The following PIK3AP1 variants were observed in gnomAD, a reference collection of about 807,000 sequenced individuals.
The protein encoded by PIK3AP1 is phosphoinositide 3-kinase adapter protein 1.
PIK3AP1 carries 21 observed loss-of-function variants against 88.1 expected under a neutral mutation model. That is an observed-to-expected ratio of 0.24 (90% CI 0.17 to 0.34). PIK3AP1 has a LOEUF of 0.34. Among genes scored for constraint, PIK3AP1 ranks in the 10% least tolerant of loss-of-function variants. The pLI is 1.00. For missense variants in PIK3AP1, 828 were observed against 1,035.7 expected, an observed-to-expected ratio of 0.80 and a Z score of 2.75; for synonymous variants, 398 against 400.0, an observed-to-expected ratio of 1.00 and a Z score of 0.06.
chr10:96,712,668 TTTATC>T (rs1344239254), intron 1 of PIK3AP1, among the ~76,000 whole-genome samples: 1 of 152,244 alleles, frequency 6.6e-6, no homozygotes, highest in Admixed American at 6.5e-5. Flanking sequence ...ATGTGGCTGG[TTTATC>T]TTAAGAGGCA....
At chr10:96,618,523 A>T (rs1269200633) in intron 12 of PIK3AP1, 1 of 152,118 alleles carries the variant, frequency 6.6e-6, no homozygotes, top group Non-Finnish European at 1.5e-5. Flanking sequence ...ATACCTATTT[A>T]TATTTGTATT....
At chr10:96,703,416 T>C (rs1589547399) in intron 2 of PIK3AP1, among the ~76,000 whole-genome samples, 1 of 152,306 alleles carries the variant, frequency 6.6e-6, no homozygotes, top group Admixed American at 6.5e-5. Context: ...ATCTCCACTG[T>C]AATACTATTA....
intron 1 of PIK3AP1, among the ~76,000 whole-genome samples, chr10:96,716,329 C>T (rs764401537): frequency 1.3e-5 from 2 of 152,112 alleles, no homozygotes; most frequent in Non-Finnish European, 2.9e-5. Flanking sequence ...TGTCTCACTC[C>T]TGGGGTTCTA....
intron 2 of PIK3AP1, among the ~76,000 whole-genome samples, chr10:96,661,257 C>A (rs1347728240): frequency 6.6e-6 from 1 of 151,442 alleles, no homozygotes; most frequent in Non-Finnish European, 1.5e-5. Context: ...AAAGGCAGAA[C>A]TATGGATCAC....
intron 9 of PIK3AP1, 73 bp from the exon 10 acceptor site, chr10:96,626,978 T>C: frequency 1.4e-6 from 2 of 1,404,708 alleles, no homozygotes; most frequent in Middle Eastern, 1.8e-4. Flanking sequence ...TAAAGCAGAG[T>C]GAGGGACCTT....
intron 8 of PIK3AP1, among the ~76,000 whole-genome samples, chr10:96,637,314 T>TCACTCACACA (rs35300133): frequency 0.024 from 3,098 of 128,038 alleles, 61 homozygotes; most frequent in Middle Eastern, 0.059. Context: ...AGATATACAA[T>TCACTCACACA]CACACACACA....
At position 96,593,687 on chromosome 10, in the gene PIK3AP1, G is replaced by C. The variant is rs183864336; in HGVS notation, c.*1890C>G. 7.9e-5 allele frequency: 12 copies of C among 152,252 alleles called. No homozygotes were observed. The East Asian group carries it at 2.3e-3, about 29-fold the overall frequency. 9.4% of individuals were successfully genotyped at this position (152,252 alleles called of 1,614,324 possible). A position where few individuals can be genotyped will look rare whatever the true frequency, so the allele number is the denominator to read the frequency against. Reference sequence around the variant, plus strand: ...AAATAAGTGACAAGGAGAGTAAAAGGATCACTGAGGGAACATTTGAAGAAT... The same window carrying C: ...AAATAAGTGACAAGGAGAGTAAAAGCATCACTGAGGGAACATTTGAAGAAT... On this transcript the variant is annotated 3_prime_UTR_variant, in exon 17 of 17. Transcript: ENST00000339364.
intron 14 of PIK3AP1, among the ~76,000 whole-genome samples, chr10:96,609,018 T>C (rs1849055815): frequency 6.6e-6 from 1 of 152,236 alleles, no homozygotes; most frequent in South Asian, 2.1e-4. Flanking sequence ...TCCTGCCTGA[T>C]GCATCAGGCT....
At chr10:96,683,211 G>A (rs775766668) in intron 2 of PIK3AP1, among the ~76,000 whole-genome samples, 4 of 152,118 alleles carry the variant, frequency 2.6e-5, no homozygotes, top group Non-Finnish European at 5.9e-5. Context: ...GTGTGTAATT[G>A]GCAAATCCCC....
intron 2 of PIK3AP1, among the ~76,000 whole-genome samples, chr10:96,677,389 G>A (rs1384446211): frequency 6.6e-6 from 1 of 152,002 alleles, no homozygotes; most frequent in African/African-American, 2.4e-5. Flanking sequence ...CTCATATCCC[G>A]AGGTCAACTG....
intron 2 of PIK3AP1, among the ~76,000 whole-genome samples, chr10:96,678,507 G>C (rs887950412): frequency 1.3e-5 from 2 of 152,052 alleles, no homozygotes; most frequent in African/African-American, 4.8e-5. Flanking sequence ...TGGGCTCCAT[G>C]GATCCTCCCA....
In PIK3AP1 at chr10:96,633,000, C is replaced by G. The variant is rs763509236; in HGVS notation, c.1376-4507G>C. ...CTTTGAGCCAGTCCTTGCATCTGAT[C>G]AGCAACTCAGATGCAAAGAGACAAG... On this transcript the variant is annotated intron_variant, in intron 8 of 16. Coordinates refer to ENST00000339364, the MANE Select transcript of PIK3AP1 (RefSeq NM_152309.3). 6 of 1,612,564 alleles carry G rather than the reference C, an allele frequency of 3.7e-6. No homozygotes were observed. The African/African-American group carries it at 6.7e-5, about 18-fold the overall frequency.
At chr10:96,653,162 T>C (rs1843565635) in intron 3 of PIK3AP1, among the ~76,000 whole-genome samples, 1 of 151,866 alleles carries the variant, frequency 6.6e-6, no homozygotes, top group African/African-American at 2.4e-5. Context: ...ATCTCAACGC[T>C]TTGGGAGGCC....
Position 96,656,891 on chromosome 10 carries a change from C to A in PIK3AP1, c.474G>T (p.Glu158Asp). ...DSVTDTEPED[E>D]KVVSYSKQQN... ...GCTGCTTCGAGTAGGAAACAACCTTCTCGTCCTCAGGCTCAGTGTCAGTGA... is the reference window on the plus strand; with the variant it reads ...GCTGCTTCGAGTAGGAAACAACCTTATCGTCCTCAGGCTCAGTGTCAGTGA... The change falls in exon 3 of 17, where the codon GAG becomes GAT. Residue 158 changes from glutamate (E) to aspartate (D), a missense_variant. Glu to Asp is a conservative substitution (Grantham distance 45). Transcript: ENST00000339364. The A allele has an allele frequency of 6.2e-7, 1 of 1,614,130 alleles. No homozygotes were observed. Among genetic ancestry groups the A allele is most frequent in the Non-Finnish European group, 8.5e-7 (1 of 1,180,016 alleles).
intron 15 of PIK3AP1, among the ~76,000 whole-genome samples, chr10:96,602,798 A>G (rs1424238477): frequency 6.6e-6 from 1 of 152,156 alleles, no homozygotes; most frequent in African/African-American, 2.4e-5. Context: ...AGCTAGACAC[A>G]TGTCCCAAAT....
chr10:96,655,973 G>A (rs1484782114), intron 3 of PIK3AP1, among the ~76,000 whole-genome samples: 4 of 152,198 alleles, frequency 2.6e-5, no homozygotes, highest in African/African-American at 9.7e-5. Context: ...ACCCCACGTA[G>A]GAAGTGCTTG....
At chr10:96,657,837 G>A (rs1447196241) in intron 2 of PIK3AP1, among the ~76,000 whole-genome samples, 1 of 152,096 alleles carries the variant, frequency 6.6e-6, no homozygotes, top group African/African-American at 2.4e-5. Flanking sequence ...GCCAAGGAAG[G>A]CGGATCACCT....
chr10:96,638,767 T>C (rs867971074), intron 8 of PIK3AP1, among the ~76,000 whole-genome samples: 42 of 152,300 alleles, frequency 2.8e-4, no homozygotes, highest in Middle Eastern at 3.4e-3. Flanking sequence ...AAGCAGTGTC[T>C]TTTTCCTCCA....
At chr10:96,631,682 A>G (rs544626651) in intron 8 of PIK3AP1, among the ~76,000 whole-genome samples, 17 of 152,310 alleles carry the variant, frequency 1.1e-4, no homozygotes, top group African/African-American at 4.1e-4. Context: ...TGAGGTCAGG[A>G]GTTTTGAGAC....
Sources: allele counts gnomAD v4.1 joint callset (sites outside exome capture counted in the v4.1 genomes callset), GRCh38; gene constraint gnomAD v4.1.1; transcripts MANE v1.5; gene names NCBI Gene and HGNC (gene_info 2026-07-23, HGNC 2026-07-21).